HORMAD2: variants seen among roughly 807,000 people sequenced by gnomAD.
HORMAD2 encodes HORMA domain containing 2.
HORMAD2 carries 45 observed loss-of-function variants against 38.8 expected under a neutral mutation model. The observed-to-expected ratio is 1.16, with a 90% CI of 0.91 to 1.49. The LOEUF (loss-of-function observed/expected upper bound fraction) is 1.49. Among genes scored for constraint, HORMAD2 ranks in the 40% most tolerant of loss-of-function variants. HORMAD2 has a pLI of 0.00. For synonymous variants in HORMAD2, 126 were observed against 122.8 expected, an observed-to-expected ratio of 1.03 and a Z score of -0.17; for missense variants, 338 against 367.0, an observed-to-expected ratio of 0.92 and a Z score of 0.65.
At chr22:30,150,893 G>C (rs1035654902) in intron 10 of HORMAD2, among the ~76,000 whole-genome samples, 2 of 152,122 alleles carry the variant, frequency 1.3e-5, no homozygotes, top group African/African-American at 4.8e-5. Context: ...ACCCTCTATA[G>C]AGAATAAACC....
intron 10 of HORMAD2, among the ~76,000 whole-genome samples, chr22:30,135,600 A>G (rs1336256906): frequency 6.6e-6 from 1 of 152,110 alleles, no homozygotes; most frequent in East Asian, 1.9e-4. Context: ...AGCCTGGACA[A>G]AGAAAACTGG....
chr22:30,166,907 A>T (rs1396753471), intron 10 of HORMAD2, among the ~76,000 whole-genome samples: 6 of 152,188 alleles, frequency 3.9e-5, no homozygotes, highest in African/African-American at 1.2e-4. Context: ...GGAAATAGAG[A>T]AGAGGGAAAA....
the HORMAD2 span, among the ~76,000 whole-genome samples, chr22:30,194,744 G>C: frequency 1.3e-5 from 2 of 152,188 alleles, no homozygotes; most frequent in Non-Finnish European, 2.9e-5. Flanking sequence ...GAGGCAAGTA[G>C]TATCTTGAAG....
intron 10 of HORMAD2, among the ~76,000 whole-genome samples, chr22:30,152,626 C>T (rs1047061898): frequency 4.6e-5 from 7 of 152,204 alleles, no homozygotes; most frequent in Admixed American, 2.6e-4. Context: ...CCATCACACC[C>T]AACCTTGATC....
chr22:30,115,275 C>T (rs774327697), intron 7 of HORMAD2, among the ~76,000 whole-genome samples: 29 of 152,074 alleles, frequency 1.9e-4, no homozygotes, highest in Admixed American at 1.1e-3. Context: ...TGCAGTTGTT[C>T]GCCACAATGC....
At chr22:30,123,197 G>C (rs1483038219) in intron 10 of HORMAD2, among the ~76,000 whole-genome samples, 1 of 152,046 alleles carries the variant, frequency 6.6e-6, no homozygotes, top group African/African-American at 2.4e-5. Context: ...GTGCTTTCTC[G>C]ATGTTAGACA....
chr22:30,086,437 A>G (rs1449273075), intron 1 of HORMAD2, among the ~76,000 whole-genome samples: 1 of 152,208 alleles, frequency 6.6e-6, no homozygotes, highest in African/African-American at 2.4e-5. Context: ...GCTAGAAGGA[A>G]TATAGTCCTT....
At chr22:30,189,844 T>C in the HORMAD2 span, among the ~76,000 whole-genome samples, 1 of 152,118 alleles carries the variant, frequency 6.6e-6, no homozygotes, top group African/African-American at 2.4e-5. Context: ...GTTCCTGTGC[T>C]CTCACACCAT....
chr22:30,153,083 T>C (rs1348884393), intron 10 of HORMAD2, among the ~76,000 whole-genome samples: 1 of 125,720 alleles, frequency 8.0e-6, no homozygotes, highest in South Asian at 2.7e-4. Context: ...TTTCCCCCCA[T>C]CTCAGCACCA....
At chr22:30,180,439 G>A (rs1926650786), downstream of HORMAD2, among the ~76,000 whole-genome samples, 1 of 152,088 alleles carries the variant, frequency 6.6e-6, no homozygotes, top group African/African-American at 2.4e-5. Context: ...TTCCATATGG[G>A]TAATTACTAA....
chr22:30,129,952 C>T (rs116191096), intron 10 of HORMAD2, among the ~76,000 whole-genome samples: 1,567 of 152,298 alleles, frequency 0.01, 26 homozygotes, highest in African/African-American at 0.036. Context: ...GAATGTTCCA[C>T]GCCTTTCCTG....
At chr22:30,136,128 G>A (rs1049915298) in intron 10 of HORMAD2, among the ~76,000 whole-genome samples, 5 of 152,188 alleles carry the variant, frequency 3.3e-5, no homozygotes, top group African/African-American at 9.7e-5. Flanking sequence ...GAAACAATTA[G>A]GTGTTTCTTA....
chr22:30,195,251 T>G, the HORMAD2 span, among the ~76,000 whole-genome samples: 1 of 150,256 alleles, frequency 6.7e-6, no homozygotes, highest in African/African-American at 2.5e-5. Flanking sequence ...CTTTACTTTA[T>G]TTTTGAGATA....
intron 1 of HORMAD2, chr22:30,080,997 T>C (rs1204520105): frequency 6.6e-6 from 1 of 152,624 alleles, no homozygotes; most frequent in Non-Finnish European, 1.5e-5. Flanking sequence ...CCCCTTGACC[T>C]CAGCTCCCCT....
chr22:30,108,803 A>T (rs966103040), intron 5 of HORMAD2, among the ~76,000 whole-genome samples: 4 of 152,302 alleles, frequency 2.6e-5, no homozygotes, highest in African/African-American at 9.6e-5. Context: ...TAAGTAATGT[A>T]TGAGTTTATA....
chr22:30,120,638 A>G (rs1326049614), intron 8 of HORMAD2, among the ~76,000 whole-genome samples: 3 of 135,190 alleles, frequency 2.2e-5, no homozygotes, highest in Non-Finnish European at 3.1e-5. Flanking sequence ...TCATTCATTA[A>G]TTCAACAAAT....
intron 2 of HORMAD2, among the ~76,000 whole-genome samples, chr22:30,097,117 G>A (rs1164795165): frequency 1.3e-5 from 2 of 152,248 alleles, no homozygotes; most frequent in East Asian, 3.9e-4. Flanking sequence ...GCAAAAAGCA[G>A]CCTCACAGAA....
At chr22:30,153,676 C>A (rs1000514321) in intron 10 of HORMAD2, among the ~76,000 whole-genome samples, 1 of 152,176 alleles carries the variant, frequency 6.6e-6, no homozygotes, top group African/African-American at 2.4e-5. Context: ...AAGCTTTTAT[C>A]ACCACCACTT....
At chr22:30,152,787 C>T (rs1313252709) in intron 10 of HORMAD2, among the ~76,000 whole-genome samples, 2 of 152,114 alleles carry the variant, frequency 1.3e-5, no homozygotes, top group African/African-American at 4.8e-5. Flanking sequence ...GTGGGCATCC[C>T]CAAACATCCC....
Sources: allele counts gnomAD v4.1 joint callset (sites outside exome capture counted in the v4.1 genomes callset), GRCh38; gene constraint gnomAD v4.1.1; transcripts MANE v1.5; gene names NCBI Gene and HGNC (gene_info 2026-07-23, HGNC 2026-07-21).